ODAM: variants seen among roughly 807,000 people sequenced by gnomAD.
ODAM encodes odontogenic, ameloblast associated.
ODAM carries 55 observed loss-of-function variants against 48.5 expected under a neutral mutation model. The observed-to-expected ratio is 1.13, with a 90% CI of 0.91 to 1.42. ODAM has a LOEUF of 1.42. Ranked by LOEUF, ODAM falls within the 40% of genes most tolerant of loss-of-function variation. ODAM has a pLI of 0.00. For missense variants in ODAM, 353 were observed against 323.6 expected, an observed-to-expected ratio of 1.09 and a Z score of -0.70; for synonymous variants, 127 against 107.8, an observed-to-expected ratio of 1.18 and a Z score of -1.10.
chr4:70,196,584 T>A lies in ODAM; in HGVS notation c.41T>A (p.Leu14Ter). 6.3e-7 allele frequency: 1 copy of A among 1,598,612 alleles called. No individual in the cohort carries two copies. Among genetic ancestry groups the A allele is most frequent in the South Asian group, 1.1e-5 (1 of 89,276 alleles). The change falls in exon 2 of 12, where the codon TTG becomes TAG. Residue 14 changes from leucine (L) to a stop codon, truncating the protein, a stop_gained. Transcript: ENST00000683306. LOFTEE classifies it high-confidence loss of function. ...IILLGFLGAT[L>*]SAPLIPQRLM... ...CTTCTTGGATTCCTGGGAGCCACAT[T>A]GTCAGCCCCAGTAAGTGATTTTATG...
Position 70,198,105 on chromosome 4 carries a change from T to G in ODAM, c.323T>G (p.Val108Gly), listed in dbSNP as rs1729418357. ...GCCCAAGGAGCCCAGGCAGGCCAAG[T>G]TGATCCCTTACAGCTTCAAACACCG... ...SFAQGAQAGQ[V>G]DPLQLQTPPQ... The change falls in exon 5 of 12, where the codon GTT becomes GGT. Residue 108 changes from valine to glycine, a missense_variant. Val to Gly is a moderately radical substitution (Grantham distance 109). Transcript: ENST00000683306. 3 of 1,613,128 alleles carry G rather than the reference T, an allele frequency of 1.9e-6. No homozygotes were observed. Among genetic ancestry groups the G allele is most frequent in the Admixed American group, 1.7e-5 (1 of 59,898 alleles).
chr4:70,196,877 G>T, intron 3 of ODAM, 144 bp downstream of exon 3: 1 of 626,652 alleles, frequency 1.6e-6, no homozygotes, highest in Non-Finnish European at 2.7e-6. Context: ...GTCCATGTTT[G>T]ATTATATAAC....
rs1440014335 is a variant in ODAM, at chr4:70,204,192, T to C, written c.*47T>C. ...TTTTTCAGGGAAAAAGATGTGGCCA[T>C]GCCTTGGATATAATTTTAGGCTATT... On this transcript the variant is annotated 3_prime_UTR_variant, in exon 12 of 12. Transcript: ENST00000683306. 6.6e-6 allele frequency: 1 copy of C among 151,990 alleles called. No homozygotes were observed. Among genetic ancestry groups the C allele is most frequent in the Admixed American group, 6.6e-5 (1 of 15,218 alleles). 9.4% of individuals were successfully genotyped at this position (151,990 alleles called of 1,614,324 possible). A position where few individuals can be genotyped will look rare whatever the true frequency, so the allele number is the denominator to read the frequency against.
At chr4:70,196,427 A>G (rs1185020954) in intron 1 of ODAM, 102 bp from the exon 2 acceptor site, 4 of 606,206 alleles carry the variant, frequency 6.6e-6, no homozygotes, top group Non-Finnish European at 5.6e-6. Flanking sequence ...TAAATACTAT[A>G]GAATTCACCC....
chr4:70,200,378 A>G (rs1560483921), intron 6 of ODAM, 119 bp from the exon 7 acceptor site: 6 of 580,988 alleles, frequency 1.0e-5, no homozygotes. Flanking sequence ...CTTTGTATTT[A>G]ATCATATAAA....
At position 70,202,817 on chromosome 4, in the gene ODAM, CAGG is replaced by C; in HGVS notation, c.713_715del (p.Gly238del). On this transcript the variant is annotated inframe_deletion, in exon 10 of 12. Coordinates refer to ENST00000683306, the MANE Select transcript of ODAM (RefSeq NM_017855.4). ...GCGATCAACTTTAGACATGACAGTG[CAGG>C]AGTTTTCATGCCCTCAACTTCACCA... is the stretch of plus-strand genomic sequence containing the variant. 1 of 1,611,878 alleles carries C rather than the reference CAGG, an allele frequency of 6.2e-7. No individual in the cohort carries two copies. The highest frequency in any genetic ancestry group is 1.1e-5 in the South Asian group (1 of 91,010).
In ODAM at chr4:70,196,711, T is replaced by A. The variant is rs777135540; in HGVS notation, c.71T>A (p.Met24Lys). 1.2e-5 allele frequency: 20 copies of A among 1,607,202 alleles called. 1 individual carries two copies. The South Asian group carries it at 2.1e-4, about 17-fold the overall frequency. Reference protein sequence around the residue: ...LSAPLIPQRLMSASNSNELLL... With the variant: ...LSAPLIPQRLKSASNSNELLL... The stretch of plus-strand genomic sequence containing the variant: ...TTTTAGCTTATCCCACAGCGTCTCA[T>A]GTCTGCCAGCAATAGCAATGAGGTT... Residue 24 changes from methionine to lysine, a missense_variant, in exon 3 of 12, where the codon ATG becomes AAG. By Grantham distance (95) the Met-to-Lys change is moderately conservative (BLOSUM62 -1). Coordinates refer to ENST00000683306, the MANE Select transcript of ODAM (RefSeq NM_017855.4).
chr4:70,200,680 A>T (rs1729476635), intron 7 of ODAM, 79 bp downstream of exon 7: 2 of 875,368 alleles, frequency 2.3e-6, no homozygotes, highest in Non-Finnish European at 3.5e-6. Context: ...ATAGAAAAAA[A>T]GTTTCTGAGT....
Position 70,202,244 on chromosome 4 carries a change from T to A in ODAM, c.577-14T>A. 1.9e-6 allele frequency: 3 copies of A among 1,606,796 alleles called. No individual in the cohort carries two copies. The highest frequency in any genetic ancestry group is 1.7e-6 in the Non-Finnish European group (2 of 1,174,198). On this transcript the variant is annotated splice_polypyrimidine_tract_variant and intron_variant, in intron 8 of 11. Coordinates refer to ENST00000683306, the MANE Select transcript of ODAM (RefSeq NM_017855.4). ...TCACTGATTTAGACTTTTTAAAACT[T>A]TTTGTGTTTTTAGGCTATATCAGGA...
intron 6 of ODAM, 122 bp downstream of exon 6, chr4:70,198,748 T>C: frequency 1.3e-6 from 1 of 777,740 alleles, no homozygotes; most frequent in East Asian, 2.7e-5. Flanking sequence ...TATCACTGTC[T>C]AGATAACATC....
At chr4:70,203,284 T>G (rs1289134906) in intron 11 of ODAM, 70 bp downstream of exon 11, 1 of 911,236 alleles carries the variant, frequency 1.1e-6, no homozygotes, top group East Asian at 2.4e-5. Flanking sequence ...AAGAAAAAAG[T>G]TGGCAGAGGA....
In ODAM at chr4:70,202,340, T is replaced by C. The variant is rs751721661; in HGVS notation, c.648+11T>C. Reference sequence around the variant, plus strand: ...GAAATTGCTGTGATGGTAAGATTCCTTACAACACTTTGCCAGCTACTGGAA... The same window carrying C: ...GAAATTGCTGTGATGGTAAGATTCCCTACAACACTTTGCCAGCTACTGGAA... On this transcript the variant is annotated intron_variant, in intron 9 of 11. Coordinates refer to ENST00000683306, the MANE Select transcript of ODAM (RefSeq NM_017855.4). 1.9e-6 allele frequency: 3 copies of C among 1,603,228 alleles called. No homozygotes were observed. The South Asian group carries it at 3.3e-5, about 18-fold the overall frequency.
intron 10 of ODAM, 71 bp from the exon 11 acceptor site, chr4:70,203,085 A>T: frequency 7.2e-7 from 1 of 1,380,664 alleles, no homozygotes; most frequent in Non-Finnish European, 1.0e-6. Context: ...TGTTTTTGAT[A>T]ATCAATTAAT....
chr4:70,198,296 A>T, intron 5 of ODAM, 139 bp downstream of exon 5: 1 of 751,770 alleles, frequency 1.3e-6, no homozygotes, highest in Non-Finnish European at 2.1e-6. Flanking sequence ...CCATCGCTGT[A>T]AGTTCTTTCT....
At chr4:70,202,131 T>C in intron 8 of ODAM, 127 bp from the exon 9 acceptor site, 1 of 684,018 alleles carries the variant, frequency 1.5e-6, no homozygotes, top group South Asian at 1.7e-5. Context: ...TAAACTATTA[T>C]TTCTGTTTTT....
intron 1 of ODAM, among the ~76,000 whole-genome samples, 180 bp downstream of exon 1, chr4:70,195,973 T>C (rs1455065841): frequency 6.6e-6 from 1 of 151,998 alleles, no homozygotes; most frequent in Non-Finnish European, 1.5e-5. Context: ...TAAATCAATA[T>C]CACAGTTCAG....
At chr4:70,197,354 A>C (rs1434381023) in intron 4 of ODAM, 33 bp downstream of exon 4, 1 of 1,071,076 alleles carries the variant, frequency 9.3e-7, no homozygotes, top group East Asian at 2.4e-5. Context: ...TTTATGGGGA[A>C]TATTTACCTA....
rs1354499894 is a variant in ODAM at position 70,200,041 on chromosome 4, T to C, written c.424-456T>C. 1.2e-5 allele frequency: 5 copies of C among 417,620 alleles called. No individual in the cohort carries two copies. In the East Asian group the frequency reaches 3.8e-4, roughly 32 times the overall value. 25.9% of individuals were successfully genotyped at this position (417,620 alleles called of 1,614,324 possible). ...AATATCCTAAAATATATATGGATTA[T>C]TTTAATAAAGTAGCAATTCTTAAAG... is the stretch of plus-strand genomic sequence containing the variant. On this transcript the variant is annotated intron_variant, in intron 6 of 11. Transcript: ENST00000683306.
At chr4:70,196,359 G>T in intron 1 of ODAM, 170 bp from the exon 2 acceptor site, 1 of 508,686 alleles carries the variant, frequency 2.0e-6, no homozygotes, top group African/African-American at 2.0e-5. Context: ...AGAAAATAAA[G>T]AGTTATATCA....
Sources: gnomAD v4.1 joint callset for allele counts (sites outside exome capture counted in the v4.1 genomes callset) on GRCh38, gnomAD v4.1.1 for gene constraint, MANE v1.5 for transcripts, NCBI Gene and HGNC (gene_info 2026-07-23, HGNC 2026-07-21) for gene names.